The following KCNMB2 variants were observed in gnomAD, a reference collection of about 807,000 sequenced individuals.
KCNMB2 encodes calcium-activated potassium channel subunit beta-2.
In KCNMB2, 9 loss-of-function variants were observed where a neutral mutation model predicts 24.5. The observed-to-expected ratio is 0.37, with a 90% CI of 0.22 to 0.64. The LOEUF (loss-of-function observed/expected upper bound fraction) is 0.64, where lower values mean the gene tolerates loss of function less well. KCNMB2 is among the 30% of genes least tolerant of loss of function. KCNMB2 has a pLI of 0.63. For missense variants in KCNMB2, 226 were observed against 284.3 expected, an observed-to-expected ratio of 0.79 and a Z score of 1.47; for synonymous variants, 109 against 104.4, an observed-to-expected ratio of 1.04 and a Z score of -0.27.
At chr3:178,744,530 A>C (rs1577143327) in intron 1 of KCNMB2, among the ~76,000 whole-genome samples, 1 of 152,330 alleles carries the variant, frequency 6.6e-6, no homozygotes, top group African/African-American at 2.4e-5. Flanking sequence ...TAGGTGGATG[A>C]TGGTGACCAA....
intron 1 of KCNMB2, among the ~76,000 whole-genome samples, chr3:178,615,931 C>A (rs1245940414): frequency 6.6e-6 from 1 of 152,104 alleles, no homozygotes; most frequent in Admixed American, 6.6e-5. Context: ...GCAGTGGGTT[C>A]TCTTCTGACC....
chr3:178,801,192 T>C (rs1713762014), intron 1 of KCNMB2, among the ~76,000 whole-genome samples: 2 of 152,180 alleles, frequency 1.3e-5, no homozygotes, highest in Admixed American at 1.3e-4. Context: ...AATTGGATGG[T>C]TTGTAACACG....
intron 1 of KCNMB2, among the ~76,000 whole-genome samples, chr3:178,755,723 T>C (rs1005480481): frequency 2.0e-5 from 3 of 152,222 alleles, no homozygotes; most frequent in Non-Finnish European, 4.4e-5. Flanking sequence ...CTTTCGGCTA[T>C]TGGAAATTTG....
chr3:178,811,373 C>A (rs6767066), intron 2 of KCNMB2, among the ~76,000 whole-genome samples: 71,866 of 151,450 alleles, frequency 0.47, 17,763 homozygotes, highest in African/African-American at 0.62. Context: ...GCATATCATT[C>A]CCCGATTTTT....
At chr3:178,690,890 T>A (rs1349796069) in intron 1 of KCNMB2, among the ~76,000 whole-genome samples, 2 of 152,090 alleles carry the variant, frequency 1.3e-5, no homozygotes, top group African/African-American at 4.8e-5. Context: ...GATCTAGCGA[T>A]CTATAGGTCA....
intron 1 of KCNMB2, among the ~76,000 whole-genome samples, chr3:178,635,452 C>T (rs765025253): frequency 2.6e-5 from 4 of 151,958 alleles, no homozygotes; most frequent in Non-Finnish European, 4.4e-5. Flanking sequence ...CACTCCCTTC[C>T]TCACAATAAG....
At chr3:178,680,558 C>A (rs1283799207) in intron 1 of KCNMB2, among the ~76,000 whole-genome samples, 1 of 152,088 alleles carries the variant, frequency 6.6e-6, no homozygotes, top group Non-Finnish European at 1.5e-5. Context: ...AATATTATAA[C>A]CCAACTCCAA....
chr3:178,769,192 C>T (rs551519141), intron 1 of KCNMB2, among the ~76,000 whole-genome samples: 1 of 152,300 alleles, frequency 6.6e-6, no homozygotes, highest in East Asian at 1.9e-4. Flanking sequence ...ACCTTGAATT[C>T]ACTGGAACCA....
intron 1 of KCNMB2, among the ~76,000 whole-genome samples, chr3:178,784,294 A>T (rs1455246037): frequency 6.6e-6 from 1 of 152,180 alleles, no homozygotes; most frequent in Non-Finnish European, 1.5e-5. Flanking sequence ...AGATAAGGAC[A>T]TTGAGATTCA....
chr3:178,704,459 G>T (rs1722209950), intron 1 of KCNMB2, among the ~76,000 whole-genome samples: 1 of 152,070 alleles, frequency 6.6e-6, no homozygotes, highest in Admixed American at 6.6e-5. Context: ...ACAAAATTAA[G>T]AATTCCATAT....
chr3:178,644,631 G>C (rs1298437993), intron 1 of KCNMB2, among the ~76,000 whole-genome samples: 1 of 152,174 alleles, frequency 6.6e-6, no homozygotes, highest in Non-Finnish European at 1.5e-5. Flanking sequence ...AAAGACATGT[G>C]TATGTGTGCA....
At chr3:178,842,109 T>A (rs1414946970) in intron 4 of KCNMB2, among the ~76,000 whole-genome samples, 2 of 152,156 alleles carry the variant, frequency 1.3e-5, no homozygotes, top group Non-Finnish European at 2.9e-5. Flanking sequence ...TCAACAGAAG[T>A]GTAGCTGTTT....
intron 1 of KCNMB2, among the ~76,000 whole-genome samples, chr3:178,593,195 T>C (rs760069119): frequency 6.6e-6 from 1 of 152,096 alleles, no homozygotes; most frequent in Non-Finnish European, 1.5e-5. Flanking sequence ...ATATGGCACA[T>C]ATTCAACCTG....
At chr3:178,564,073 T>C (rs1456852289) in intron 1 of KCNMB2, among the ~76,000 whole-genome samples, 1 of 150,894 alleles carries the variant, frequency 6.6e-6, no homozygotes, top group Non-Finnish European at 1.5e-5. Context: ...AGGTCAGGAG[T>C]TCGAGACCAG....
chr3:178,785,760 C>G (rs905231630), intron 1 of KCNMB2, among the ~76,000 whole-genome samples: 9 of 151,962 alleles, frequency 5.9e-5, no homozygotes, highest in African/African-American at 2.2e-4. Context: ...AGTATACACC[C>G]ATATAAAGTT....
chr3:178,819,574 C>T (rs1714546925), intron 2 of KCNMB2, among the ~76,000 whole-genome samples: 1 of 152,010 alleles, frequency 6.6e-6, no homozygotes. Context: ...CTCCTCTACC[C>T]CTGTGTGTCC....
At chr3:178,605,153 G>T (rs1291244818) in intron 1 of KCNMB2, among the ~76,000 whole-genome samples, 1 of 152,094 alleles carries the variant, frequency 6.6e-6, no homozygotes, top group African/African-American at 2.4e-5. Context: ...AAGACCTTTG[G>T]TTGGTGATTA....
At chr3:178,687,880 A>T (rs1315501148) in intron 1 of KCNMB2, among the ~76,000 whole-genome samples, 2 of 152,194 alleles carry the variant, frequency 1.3e-5, no homozygotes, top group African/African-American at 2.4e-5. Context: ...TTCTTCCAAA[A>T]GGTGAAACTA....
chr3:178,724,191 T>C (rs1156764522), intron 1 of KCNMB2, among the ~76,000 whole-genome samples: 1 of 152,072 alleles, frequency 6.6e-6, no homozygotes, highest in Non-Finnish European at 1.5e-5. Flanking sequence ...TCTTTAGTAA[T>C]AGCCATTCTG....
Sources: gnomAD v4.1 joint callset for allele counts (sites outside exome capture counted in the v4.1 genomes callset) on GRCh38, gnomAD v4.1.1 for gene constraint, MANE v1.5 for transcripts, NCBI Gene and HGNC (gene_info 2026-07-23, HGNC 2026-07-21) for gene names.